Variants in SETD2 observed in about 807,000 individuals in gnomAD.
SETD2 encodes SET domain containing 2, histone lysine methyltransferase, also known as histone-lysine N-methyltransferase SETD2.
A neutral mutation model predicts 242.1 loss-of-function variants in SETD2; 31 were observed. The ratio of observed to expected loss-of-function variants is 0.13; its 90% CI spans 0.10 to 0.17. The LOEUF (loss-of-function observed/expected upper bound fraction) is 0.17, where lower values mean the gene tolerates loss of function less well. SETD2 is among the 10% of genes least tolerant of loss of function. SETD2 has a pLI of 1.00. For missense variants in SETD2, 2,481 were observed against 3,046.3 expected, an observed-to-expected ratio of 0.81 and a Z score of 4.37; for synonymous variants, 1,006 against 1,066.5, an observed-to-expected ratio of 0.94 and a Z score of 1.11.
At chr3:47,053,530 T>C (rs2039937524) in intron 15 of SETD2, among the ~76,000 whole-genome samples, 1 of 152,200 alleles carries the variant, frequency 6.6e-6, no homozygotes, top group African/African-American at 2.4e-5. Context: ...AATTGAGCTT[T>C]TATGTTTAGT....
chr3:47,105,903 C>CAAA (rs55987628), intron 6 of SETD2, 94 bp downstream of exon 6: 394 of 966,966 alleles, frequency 4.1e-4, no homozygotes, highest in South Asian at 1.2e-3. Context: ...ACTCCGTCTC[C>CAAA]AAAAAAAAAA....
chr3:47,163,863 G>C lies in SETD2; in HGVS notation c.62C>G (p.Pro21Arg). 1 of 1,309,218 alleles carries C rather than the reference G, an allele frequency of 7.6e-7. No individual in the cohort carries two copies. Among genetic ancestry groups the C allele is most frequent in the Non-Finnish European group, 9.8e-7 (1 of 1,022,492 alleles). 81.1% of individuals were successfully genotyped at this position (1,309,218 alleles called of 1,614,324 possible). A position where few individuals can be genotyped will look rare whatever the true frequency, so the allele number is the denominator to read the frequency against. ...KMGDFYDPEH[P>R]TPEEEENEAK... ...CGGAGCTGATACTTACTCAGGGGTC[G>C]GGTGCTCCGGGTCGTAGAAATCCCC... The change falls in exon 1 of 21, where the codon CCG (proline) becomes CGG (arginine). Residue 21 changes from proline to arginine, a missense_variant. Pro to Arg is a moderately radical substitution (Grantham distance 103). This residue lies in a region of SETD2 where 334 missense variants were observed against 374.5 expected (regional missense o/e 0.89). Coordinates refer to ENST00000409792, the MANE Select transcript of SETD2 (RefSeq NM_014159.7).
Position 47,121,103 on chromosome 3 carries a change from G to T in SETD2, c.3533C>A (p.Ser1178Tyr), listed in dbSNP as rs761968547. The T allele has an allele frequency of 6.2e-7, 1 of 1,614,012 alleles. No homozygotes were observed. The highest frequency in any genetic ancestry group is 1.1e-5 in the South Asian group (1 of 91,082). Residue 1178 changes from serine to tyrosine, a missense_variant, in exon 3 of 21, where the codon TCT (serine) becomes TAT (tyrosine). This residue lies in a region of SETD2 where 1,300 missense variants were observed against 1,259.2 expected (regional missense o/e 1.03). Transcript: ENST00000409792. ...TGAATTTGGGTGACCCAGAGGGTCAGATTTCACATCTGTATGACTTGTACT... is the reference window on the plus strand; with the variant it reads ...TGAATTTGGGTGACCCAGAGGGTCATATTTCACATCTGTATGACTTGTACT... ...VDSTSHTDVK[S>Y]DPLGHPNSEE...
chr3:47,055,189 A>C (rs1245798682), intron 15 of SETD2, among the ~76,000 whole-genome samples: 1 of 152,256 alleles, frequency 6.6e-6, no homozygotes, highest in Non-Finnish European at 1.5e-5. Flanking sequence ...AAAACAGGAT[A>C]CCTTGTCATG....
rs2107487198 is a variant in SETD2, at chr3:47,017,602, C to G, written c.7533+36G>C. The G allele has an allele frequency of 6.3e-6, 9 of 1,426,330 alleles. No individual in the cohort carries two copies. Among genetic ancestry groups the G allele is most frequent in the Non-Finnish European group, 7.9e-6 (8 of 1,009,016 alleles). The allele number at this position is 1,426,330 out of a possible 1,614,324, so 88.4% of individuals were successfully genotyped here. Reference sequence around the variant, plus strand: ...TAGAAGGTACACAGTTTGCCCAGAACATTGCCTGGTGGGCTACCAAAAGCA... The same window carrying G: ...TAGAAGGTACACAGTTTGCCCAGAAGATTGCCTGGTGGGCTACCAAAAGCA... On this transcript the variant is annotated intron_variant, in intron 20 of 20. Transcript: ENST00000409792. This position sits in a 1 kb window ranked among gnomAD's most constrained non-coding sequence, Gnocchi z 4.8.
At chr3:47,080,171 T>A (rs1168014142) in intron 12 of SETD2, among the ~76,000 whole-genome samples, 1 of 152,218 alleles carries the variant, frequency 6.6e-6, no homozygotes, top group African/African-American at 2.4e-5. Context: ...TTTTAATACA[T>A]AGCTTTCTAG....
chr3:47,100,381 C>T (rs1413823040), intron 8 of SETD2, among the ~76,000 whole-genome samples: 1 of 152,126 alleles, frequency 6.6e-6, no homozygotes, highest in African/African-American at 2.4e-5. Flanking sequence ...CTGCCTCAGC[C>T]TCCAGAGTAG....
intron 1 of SETD2, among the ~76,000 whole-genome samples, chr3:47,134,056 A>G (rs1422461296): frequency 6.6e-6 from 1 of 152,192 alleles, no homozygotes; most frequent in Admixed American, 6.5e-5. Context: ...CCCCTGCCCA[A>G]AGCAAGACAG....
chr3:47,122,330 T>G lies in SETD2; in HGVS notation c.2306A>C (p.Asp769Ala). The change falls in exon 3 of 21, where the codon GAT (aspartate) becomes GCT (alanine). Residue 769 changes from aspartate (D) to alanine (A), a missense_variant. This residue lies in a region of SETD2 where 1,300 missense variants were observed against 1,259.2 expected (regional missense o/e 1.03). Coordinates refer to ENST00000409792, the MANE Select transcript of SETD2 (RefSeq NM_014159.7). The stretch of plus-strand genomic sequence containing the variant: ...TTCTTTAACTACTGTTTTGGAATAA[T>G]CCACAGTCATAACTGGCATAGACAT... ...KLMSMPVMTV[D>A]YSKTVVKEPV... The G allele has an allele frequency of 1.2e-6, 2 of 1,614,188 alleles. No homozygotes were observed. The highest frequency in any genetic ancestry group is 1.7e-6 in the Non-Finnish European group (2 of 1,180,018).
intron 13 of SETD2, among the ~76,000 whole-genome samples, chr3:47,062,721 T>C (rs761344748): frequency 8.5e-5 from 13 of 152,322 alleles, no homozygotes; most frequent in East Asian, 1.9e-4. Context: ...CCTATAACTC[T>C]TCATATTTAT....
intron 8 of SETD2, among the ~76,000 whole-genome samples, chr3:47,100,769 G>A (rs1285284031): frequency 6.6e-6 from 1 of 151,754 alleles, no homozygotes; most frequent in Non-Finnish European, 1.5e-5. Context: ...CCAGCACTTT[G>A]GGAGGCAGAG....
At chr3:47,045,680 A>G (rs1338528848) in intron 16 of SETD2, among the ~76,000 whole-genome samples, 1 of 92,966 alleles carries the variant, frequency 1.1e-5, no homozygotes, top group Non-Finnish European at 2.2e-5. Flanking sequence ...CCTAGGTGAC[A>G]GAGTTAAAAA....
At chr3:47,055,062 G>C (rs1559670190) in intron 15 of SETD2, among the ~76,000 whole-genome samples, 2 of 152,114 alleles carry the variant, frequency 1.3e-5, no homozygotes, top group Non-Finnish European at 2.9e-5. Context: ...ATCATTTTAA[G>C]TAGGAAAACA....
chr3:47,129,880 A>G (rs1011580680), intron 1 of SETD2, among the ~76,000 whole-genome samples: 1 of 147,998 alleles, frequency 6.8e-6, no homozygotes, highest in Non-Finnish European at 1.5e-5. Context: ...CTCCGCCTCA[A>G]AAAAAAAAAA....
chr3:47,089,024 T>A (rs1384699576), intron 9 of SETD2, among the ~76,000 whole-genome samples: 1 of 152,168 alleles, frequency 6.6e-6, no homozygotes, highest in East Asian at 1.9e-4. Flanking sequence ...TGCAACAACA[T>A]CCATCAATCT....
At chr3:47,050,791 C>T (rs533681974) in intron 15 of SETD2, among the ~76,000 whole-genome samples, 14 of 123,104 alleles carry the variant, frequency 1.1e-4, no homozygotes, top group African/African-American at 3.2e-4. Context: ...AGTGCAGTGG[C>T]GCAATCTCAG....
In SETD2 at chr3:47,121,626, C is replaced by T. The variant is rs2106656065; in HGVS notation, c.3010G>A (p.Asp1004Asn). The stretch of plus-strand genomic sequence containing the variant: ...CTGTCTTCCATGGTTAAATTCAAAT[C>T]ACAAGAAGAAAATACAACTTCTGAG... ...DDSEVVFSSC[D>N]LNLTMEDSDG... Residue 1004 changes from aspartate (D) to asparagine (N), a missense_variant, in exon 3 of 21, where the codon GAT becomes AAT. By Grantham distance (23) the Asp-to-Asn change is conservative. Transcript: ENST00000409792. The T allele has an allele frequency of 2.0e-5, 33 of 1,614,136 alleles. No individual in the cohort carries two copies. The highest frequency in any genetic ancestry group is 2.7e-5 in the Non-Finnish European group (32 of 1,180,010).
chr3:47,122,412 A>C lies in SETD2; in HGVS notation c.2224T>G (p.Ser742Ala), dbSNP rs774644234. The change falls in exon 3 of 21, where the codon TCA becomes GCA. Residue 742 changes from serine to alanine, a missense_variant. Around this residue, in one of 17 missense-constraint regions of SETD2, gnomAD observed 1,300 missense variants for 1,259.2 expected, o/e 1.03. Coordinates refer to ENST00000409792, the MANE Select transcript of SETD2 (RefSeq NM_014159.7). The part of the protein sequence containing the change: ...LDDTCMLHKK[S>A]ESPFRETEPL... ...TCTGTTTCTCTAAATGGGCTTTCTG[A>C]CTTCTTATGCAGCATGCAGGTATCA... 20 of 1,613,974 alleles carry C rather than the reference A, an allele frequency of 1.2e-5. No homozygotes were observed. In the Admixed American group the frequency reaches 3.2e-4, roughly 26 times the overall value.
At chr3:47,097,638 G>C (rs2042059724) in intron 9 of SETD2, among the ~76,000 whole-genome samples, 1 of 152,120 alleles carries the variant, frequency 6.6e-6, no homozygotes, top group African/African-American at 2.4e-5. Context: ...CCAATAACAA[G>C]AGATTAGAAA....
Sources: allele counts gnomAD v4.1 joint callset (sites outside exome capture counted in the v4.1 genomes callset), GRCh38; gene constraint gnomAD v4.1.1; regional missense constraint gnomAD v4.1.1; non-coding constraint Gnocchi (gnomAD v3.1); transcripts MANE v1.5; gene names NCBI Gene and HGNC (gene_info 2026-07-23, HGNC 2026-07-21).